Variants in UNC5D observed in about 807,000 individuals in gnomAD.
UNC5D encodes netrin receptor UNC5D.
A neutral mutation model predicts 105.4 loss-of-function variants in UNC5D; 39 were observed. The ratio of observed to expected loss-of-function variants is 0.37; its 90% confidence interval spans 0.29 to 0.48. The LOEUF (loss-of-function observed/expected upper bound fraction) is 0.48, where lower values mean the gene tolerates loss of function less well. Among genes scored for constraint, UNC5D ranks in the 20% least tolerant of loss-of-function variants. UNC5D has a pLI of 0.98. For synonymous variants in UNC5D, 452 were observed against 450.4 expected (o/e 1.00, Z -0.04); for missense variants, 991 against 1,202.4 (o/e 0.82, Z 2.60).
rs1815927100 is a variant in UNC5D, at chr8:35,549,297, G to A, written c.109G>A (p.Asp37Asn). 2 of 1,612,940 alleles carry A rather than the reference G, an allele frequency of 1.2e-6. No homozygotes were observed. Among genetic ancestry groups the A allele is most frequent in the Non-Finnish European group, 1.7e-6 (2 of 1,180,020 alleles). ...AAGTAAARGT[D>N]NGEALPESIP... Reference sequence around the variant, plus strand: ...TGTCTTTTTTGATTTCACAGGAACTGACAATGGCGAAGCCCTTCCCGAATC... The same window carrying A: ...TGTCTTTTTTGATTTCACAGGAACTAACAATGGCGAAGCCCTTCCCGAATC... The change falls in exon 2 of 17, where the codon GAC becomes AAC. Residue 37 changes from aspartate to asparagine, a missense_variant. Coordinates refer to ENST00000404895, the MANE Select transcript of UNC5D (RefSeq NM_080872.4).
At chr8:35,353,309 G>T (rs904696253) in intron 1 of UNC5D, among the ~76,000 whole-genome samples, 3 of 152,122 alleles carry the variant, frequency 2.0e-5, no homozygotes, top group Non-Finnish European at 4.4e-5. Flanking sequence ...ATTTACAATT[G>T]TAACAGTTAG....
At chr8:35,439,562 A>G (rs1013189909) in intron 1 of UNC5D, among the ~76,000 whole-genome samples, 1 of 152,038 alleles carries the variant, frequency 6.6e-6, no homozygotes, top group South Asian at 2.1e-4. Flanking sequence ...GTTTTAGCAG[A>G]AGTCTCTTGA....
At chr8:35,616,688 A>G (rs1821045703) in intron 4 of UNC5D, among the ~76,000 whole-genome samples, 1 of 152,108 alleles carries the variant, frequency 6.6e-6, no homozygotes, top group South Asian at 2.1e-4. Context: ...CTTGTAGGAG[A>G]TTACATCCGT....
chr8:35,451,176 T>C (rs935932312), intron 1 of UNC5D, among the ~76,000 whole-genome samples: 2 of 152,022 alleles, frequency 1.3e-5, no homozygotes, highest in East Asian at 3.9e-4. Flanking sequence ...CCCAAGTAGC[T>C]GGGATTACAG....
chr8:35,621,353 A>G (rs368876934), intron 4 of UNC5D, among the ~76,000 whole-genome samples: 12 of 152,324 alleles, frequency 7.9e-5, no homozygotes, highest in African/African-American at 2.9e-4. Flanking sequence ...ACCATCCCAT[A>G]GCAGAGTACC....
intron 1 of UNC5D, among the ~76,000 whole-genome samples, chr8:35,393,245 T>A (rs1285292151): frequency 6.9e-6 from 1 of 145,444 alleles, no homozygotes. Context: ...GCCATTCTCC[T>A]GCCTCAGCCT....
At chr8:35,473,336 T>C (rs1443299345) in intron 1 of UNC5D, among the ~76,000 whole-genome samples, 1 of 152,162 alleles carries the variant, frequency 6.6e-6, no homozygotes, top group Admixed American at 6.5e-5. Context: ...ATAAGTTCCA[T>C]GAGGACAGGA....
chr8:35,791,044 C>G lies in UNC5D; in HGVS notation c.*481C>G, dbSNP rs149714623. 199 of 184,456 alleles carry G rather than the reference C, an allele frequency of 1.1e-3. No homozygotes were observed. The highest frequency in any genetic ancestry group is 4.3e-3 in the African/African-American group (183 of 42,472). The allele number at this position is 184,456 out of a possible 1,614,324, so 11.4% of individuals were successfully genotyped here. On this transcript the variant is annotated 3_prime_UTR_variant, in exon 17 of 17. Transcript: ENST00000404895. Reference sequence around the variant, plus strand: ...GGCTTTTAGACGTGAAACAGGGTTGCCAACCCATTTGTATGACTTCAACAA... The same window carrying G: ...GGCTTTTAGACGTGAAACAGGGTTGGCAACCCATTTGTATGACTTCAACAA...
At chr8:35,260,164 C>T (rs922200671) in intron 1 of UNC5D, among the ~76,000 whole-genome samples, 5 of 152,086 alleles carry the variant, frequency 3.3e-5, no homozygotes, top group Non-Finnish European at 7.4e-5. Flanking sequence ...GTTATGTCTT[C>T]TCGAAAGTGC....
At chr8:35,497,930 G>T (rs774473385) in intron 1 of UNC5D, among the ~76,000 whole-genome samples, 2 of 151,806 alleles carry the variant, frequency 1.3e-5, no homozygotes, top group African/African-American at 2.4e-5. Context: ...TTAGCCAGAT[G>T]TAGTGGCACA....
intron 1 of UNC5D, among the ~76,000 whole-genome samples, chr8:35,283,144 A>C (rs1046055798): frequency 6.6e-6 from 1 of 152,186 alleles, no homozygotes; most frequent in Non-Finnish European, 1.5e-5. Context: ...AAGAAAATTA[A>C]AGCAAAACTA....
chr8:35,385,968 C>T lies in UNC5D; in HGVS notation c.103+150081C>T, dbSNP rs143315282. 1.7e-3 allele frequency among the ~76,000 whole-genome samples: 257 copies of T among 152,236 alleles called. 8 individuals are homozygous for T. The East Asian group carries it at 0.041, about 24-fold the overall frequency. ...ATTGCTTCACTTTCACATCTAGATA[C>T]GATTCCATACTATCTATAATTGATT... On this transcript the variant is annotated intron_variant, in intron 1 of 16. Transcript: ENST00000404895.
intron 1 of UNC5D, among the ~76,000 whole-genome samples, chr8:35,270,430 G>A (rs920230821): frequency 2.0e-5 from 3 of 152,110 alleles, no homozygotes; most frequent in Non-Finnish European, 4.4e-5. Context: ...ATTGTCTCAG[G>A]AGACGAGCTT....
At chr8:35,245,054 C>T (rs933560022) in intron 1 of UNC5D, among the ~76,000 whole-genome samples, 1 of 152,068 alleles carries the variant, frequency 6.6e-6, no homozygotes, top group African/African-American at 2.4e-5. Flanking sequence ...ATTAGAGACA[C>T]CAATTTTTTA....
At chr8:35,760,107 A>G (rs1801453551) in intron 14 of UNC5D, among the ~76,000 whole-genome samples, 1 of 150,550 alleles carries the variant, frequency 6.6e-6, no homozygotes, top group African/African-American at 2.4e-5. Flanking sequence ...GCAGTGGCGC[A>G]ATCTTGGCTC....
At chr8:35,363,137 T>A (rs1801940876) in intron 1 of UNC5D, among the ~76,000 whole-genome samples, 1 of 152,098 alleles carries the variant, frequency 6.6e-6, no homozygotes, top group African/African-American at 2.4e-5. Flanking sequence ...GCTGTATTAG[T>A]CCATTTCCAC....
intron 4 of UNC5D, among the ~76,000 whole-genome samples, chr8:35,614,093 C>A (rs1820863331): frequency 6.6e-6 from 1 of 152,196 alleles, no homozygotes; most frequent in Admixed American, 6.5e-5. Context: ...TGCACACTGT[C>A]TTTGACTTGC....
chr8:35,385,271 A>G (rs949862237), intron 1 of UNC5D, among the ~76,000 whole-genome samples: 24 of 152,072 alleles, frequency 1.6e-4, no homozygotes, highest in African/African-American at 5.3e-4. Flanking sequence ...GTGATAATGT[A>G]TTGATCTTCC....
chr8:35,533,999 C>G (rs1814636476), intron 1 of UNC5D, among the ~76,000 whole-genome samples: 1 of 150,582 alleles, frequency 6.6e-6, no homozygotes, highest in African/African-American at 2.4e-5. Flanking sequence ...GTAGAAATCA[C>G]CCGTCTTCTG....
Sources: allele counts gnomAD v4.1 joint callset (sites outside exome capture counted in the v4.1 genomes callset), GRCh38; gene constraint gnomAD v4.1.1; transcripts MANE v1.5; gene names NCBI Gene and HGNC (gene_info 2026-07-23, HGNC 2026-07-21).